CCNYL1: variants seen among roughly 807,000 people sequenced by gnomAD.
CCNYL1 encodes the protein cyclin-Y-like protein 1.
Under a neutral mutation model 44.2 loss-of-function variants are expected in CCNYL1, and 16 were observed. The ratio of observed to expected loss-of-function variants is 0.36; its 90% CI spans 0.25 to 0.55. The LOEUF is 0.55. CCNYL1 is among the 20% of genes least tolerant of loss of function. The pLI is 0.85. For synonymous variants in CCNYL1, 159 were observed against 163.2 expected, an observed-to-expected ratio of 0.97 and a Z score of 0.20; for missense variants, 348 against 451.8, an observed-to-expected ratio of 0.77 and a Z score of 2.08.
intron 4 of CCNYL1, among the ~76,000 whole-genome samples, chr2:207,736,614 A>C (rs1415498050): frequency 6.6e-6 from 1 of 152,206 alleles, no homozygotes; most frequent in Non-Finnish European, 1.5e-5. Flanking sequence ...AATGATGCAA[A>C]ATTGATCATA....
Position 207,742,300 on chromosome 2 carries a change from T to C in CCNYL1, c.597T>C (p.Phe199=), listed in dbSNP as rs1310563154. The change falls in exon 7 of 10, where the codon TTT becomes TTC. Residue 199 remains phenylalanine, a synonymous_variant. Coordinates refer to ENST00000295414, the MANE Select transcript of CCNYL1 (RefSeq NM_001330218.2). ...TTTACAGATTTGTTCGTACTCTTTT[T>C]AGTGCTGCACAGCTAACAGCTGAAT... ...KFIYRFVRTL[F]SAAQLTAECA... 1 of 1,613,542 alleles carries C rather than the reference T, an allele frequency of 6.2e-7. No homozygotes were observed. Among genetic ancestry groups the C allele is most frequent in the Non-Finnish European group, 8.5e-7 (1 of 1,179,870 alleles).
At chr2:207,728,591 A>G (rs1005959537) in intron 3 of CCNYL1, among the ~76,000 whole-genome samples, 2 of 152,094 alleles carry the variant, frequency 1.3e-5, no homozygotes, top group African/African-American at 4.8e-5. Flanking sequence ...TTCCTATTTC[A>G]TAAGAGTATA....
In CCNYL1 at chr2:207,755,840, ATC is replaced by A; in HGVS notation, c.*2144_*2145del. ...AGGTTAGTGTTCTCAACTATGTGAA[ATC>A]TGTTTCTCCTACTTTCTCAAATCTA... is the stretch of plus-strand genomic sequence containing the variant. On this transcript the variant is annotated 3_prime_UTR_variant, in exon 10 of 10. Coordinates refer to ENST00000295414, the MANE Select transcript of CCNYL1 (RefSeq NM_001330218.2). The A allele has an allele frequency of 6.6e-6, 1 of 152,330 alleles. No homozygotes were observed. The highest frequency in any genetic ancestry group is 2.1e-4 in the South Asian group (1 of 4,832). The allele number at this position is 152,330 out of a possible 1,614,324, so 9.4% of individuals were successfully genotyped here. A position where few individuals can be genotyped will look rare whatever the true frequency, so the allele number is the denominator to read the frequency against.
intron 8 of CCNYL1, among the ~76,000 whole-genome samples, chr2:207,748,460 C>T (rs762495181): frequency 1.3e-5 from 2 of 152,110 alleles, no homozygotes; most frequent in African/African-American, 2.4e-5. Context: ...TCGTGTCGGC[C>T]GTGAAGGGAA....
intron 3 of CCNYL1, 140 bp from the exon 4 acceptor site, chr2:207,733,807 C>T: frequency 1.7e-6 from 1 of 576,992 alleles, no homozygotes; most frequent in Non-Finnish European, 3.2e-6. Flanking sequence ...TAGAGCTGCA[C>T]ATGATACTAC....
chr2:207,736,919 T>G (rs1392082512), intron 4 of CCNYL1, among the ~76,000 whole-genome samples: 1 of 140,600 alleles, frequency 7.1e-6, no homozygotes, highest in Non-Finnish European at 1.6e-5. Flanking sequence ...TATTACTGGG[T>G]TTTTTTTTTT....
At chr2:207,729,872 C>T (rs1201075612) in intron 3 of CCNYL1, among the ~76,000 whole-genome samples, 1 of 147,168 alleles carries the variant, frequency 6.8e-6, no homozygotes, top group East Asian at 2.2e-4. Context: ...TGTGCCACCA[C>T]GCCTGGCTAA....
At chr2:207,727,677 T>G (rs1220521655) in intron 3 of CCNYL1, among the ~76,000 whole-genome samples, 1 of 152,214 alleles carries the variant, frequency 6.6e-6, no homozygotes, top group Non-Finnish European at 1.5e-5. Flanking sequence ...ATTTTTCTCT[T>G]GGAGACAGCT....
At chr2:207,724,290 C>T (rs940444480) in intron 1 of CCNYL1, among the ~76,000 whole-genome samples, 1 of 152,208 alleles carries the variant, frequency 6.6e-6, no homozygotes, top group African/African-American at 2.4e-5. Context: ...CCACAGCTAA[C>T]TAAATTAGTT....
intron 2 of CCNYL1, among the ~76,000 whole-genome samples, chr2:207,726,131 G>A (rs943634927): frequency 6.6e-6 from 1 of 152,206 alleles, no homozygotes; most frequent in Non-Finnish European, 1.5e-5. Context: ...TCAGTGGTAA[G>A]GAGTGTGTGC....
chr2:207,712,220 G>A (rs1053906164), intron 1 of CCNYL1, 104 bp downstream of exon 1: 2 of 943,572 alleles, frequency 2.1e-6, no homozygotes, highest in Non-Finnish European at 3.1e-6. Context: ...CTTCCTGCCG[G>A]TAGCCGGCCC....
At chr2:207,742,384 C>A (rs750163682) in intron 7 of CCNYL1, 42 bp downstream of exon 7, 3 of 1,579,946 alleles carry the variant, frequency 1.9e-6, no homozygotes, top group Non-Finnish European at 2.6e-6. Flanking sequence ...AGAAATTAGT[C>A]TTGTACACAG....
intron 1 of CCNYL1, among the ~76,000 whole-genome samples, chr2:207,719,405 G>T (rs1373837969): frequency 6.7e-6 from 1 of 150,260 alleles, no homozygotes; most frequent in South Asian, 2.1e-4. Flanking sequence ...GGTTCCAGCA[G>T]TTCTAATGCC....
intron 1 of CCNYL1, among the ~76,000 whole-genome samples, chr2:207,718,525 T>G (rs1240334336): frequency 6.7e-6 from 1 of 150,320 alleles, no homozygotes; most frequent in East Asian, 1.9e-4. Flanking sequence ...AAGATCAGAC[T>G]AGCTGTAAAA....
chr2:207,732,894 A>G lies in CCNYL1; in HGVS notation c.331-1053A>G, dbSNP rs10176623. On this transcript the variant is annotated intron_variant, in intron 3 of 9. Transcript: ENST00000295414. ...ACCTTCCAAATTGTAACTGATTTAAATAATTTGTCAAACACTTGTTGAACT... is the reference window on the plus strand; with the variant it reads ...ACCTTCCAAATTGTAACTGATTTAAGTAATTTGTCAAACACTTGTTGAACT... Among the ~76,000 whole-genome samples, 1,232 of 152,364 alleles carry G rather than the reference A, an allele frequency of 8.1e-3. 14 individuals are homozygous for G. The highest frequency in any genetic ancestry group is 0.028 in the African/African-American group (1,145 of 41,582).
chr2:207,726,158 G>A (rs1011105520), intron 2 of CCNYL1, among the ~76,000 whole-genome samples: 5 of 152,182 alleles, frequency 3.3e-5, no homozygotes, highest in Admixed American at 3.3e-4. Context: ...TACTTGTCTA[G>A]CATCAAAGGA....
chr2:207,724,919 T>C, intron 2 of CCNYL1, 45 bp downstream of exon 2: 1 of 1,446,922 alleles, frequency 6.9e-7, no homozygotes, highest in Non-Finnish European at 9.5e-7. Context: ...GACTGAAAAC[T>C]GTTTCTATTT....
At position 207,719,476 on chromosome 2, in the gene CCNYL1, T is replaced by C. The variant is rs181801917; in HGVS notation, c.221-5324T>C. ...CCACCACGCCCAGCTAATTTTTATA[T>C]TTTTAGTAGAGAAGGGGTTTCGCCA... On this transcript the variant is annotated intron_variant, in intron 1 of 9. Coordinates refer to ENST00000295414, the MANE Select transcript of CCNYL1 (RefSeq NM_001330218.2). Among the ~76,000 whole-genome samples, 4 of 152,084 alleles carry C rather than the reference T, an allele frequency of 2.6e-5. No homozygotes were observed. In the East Asian group the frequency reaches 7.8e-4, roughly 30 times the overall value.
At chr2:207,739,808 G>A (rs2091794556) in intron 5 of CCNYL1, among the ~76,000 whole-genome samples, 1 of 152,212 alleles carries the variant, frequency 6.6e-6, no homozygotes, top group South Asian at 2.1e-4. Context: ...GCAGTAAAGA[G>A]TAGCATAACT....
Sources: allele counts gnomAD v4.1 joint callset (sites outside exome capture counted in the v4.1 genomes callset), GRCh38; gene constraint gnomAD v4.1.1; transcripts MANE v1.5; gene names NCBI Gene and HGNC (gene_info 2026-07-23, HGNC 2026-07-21).